Variants in C1GALT1 observed in about 807,000 individuals in gnomAD.
C1GALT1 encodes the protein core 1 synthase, glycoprotein-N-acetylgalactosamine 3-beta-galactosyltransferase 1.
Under a neutral mutation model 31.0 loss-of-function variants are expected in C1GALT1, and 11 were observed. The observed-to-expected ratio is 0.36, with a 90% CI of 0.22 to 0.59. The LOEUF is 0.59. Ranked by LOEUF, C1GALT1 falls within the 20% of genes least tolerant of loss-of-function variation. The probability of loss-of-function intolerance (pLI) is 0.79; values close to 1 mark genes in which losing one functional copy is unlikely to be tolerated. For missense variants in C1GALT1, 424 were observed against 425.2 expected, an observed-to-expected ratio of 1.00 and a Z score of 0.03; for synonymous variants, 175 against 143.6, an observed-to-expected ratio of 1.22 and a Z score of -1.56.
intron 1 of C1GALT1, among the ~76,000 whole-genome samples, chr7:7,209,059 A>G (rs1302240347): frequency 2.6e-5 from 4 of 152,208 alleles, no homozygotes; most frequent in South Asian, 2.1e-4. Flanking sequence ...AGAATCCTCT[A>G]ACTTAATCAT....
At chr7:7,242,100 G>A (rs1318889217) in intron 3 of C1GALT1, among the ~76,000 whole-genome samples, 1 of 151,656 alleles carries the variant, frequency 6.6e-6, no homozygotes, top group Non-Finnish European at 1.5e-5. Flanking sequence ...GAGATATGCT[G>A]TAAATAAAAT....
chr7:7,211,121 A>G (rs1192925038), intron 1 of C1GALT1, among the ~76,000 whole-genome samples: 3 of 152,144 alleles, frequency 2.0e-5, no homozygotes, highest in Non-Finnish European at 4.4e-5. Flanking sequence ...TGGCATGTCC[A>G]TGTGTGGATC....
chr7:7,214,314 C>T (rs1011948622), intron 1 of C1GALT1, among the ~76,000 whole-genome samples: 1 of 151,968 alleles, frequency 6.6e-6, no homozygotes, highest in African/African-American at 2.4e-5. Context: ...TTCCATGCTA[C>T]CAGAAGTTAT....
upstream of C1GALT1, among the ~76,000 whole-genome samples, chr7:7,182,054 T>A (rs1484513674): frequency 6.6e-6 from 1 of 152,218 alleles, no homozygotes. Context: ...CAGCTCTTCC[T>A]GGTTCTCACA....
chr7:7,175,682 G>C (rs1780498511), intron 2 of C1GALT1, among the ~76,000 whole-genome samples: 1 of 152,132 alleles, frequency 6.6e-6, no homozygotes, highest in Admixed American at 6.5e-5. Context: ...GTATTAGTCT[G>C]CTTGGGCTAC....
chr7:7,177,641 A>T (rs1780519146), upstream of C1GALT1, among the ~76,000 whole-genome samples: 1 of 152,158 alleles, frequency 6.6e-6, no homozygotes, highest in South Asian at 2.1e-4. Flanking sequence ...ATTCTGCCAT[A>T]CTCTTAAATC....
At chr7:7,185,205 G>T (rs1780760170) in intron 1 of C1GALT1, among the ~76,000 whole-genome samples, 1 of 152,174 alleles carries the variant, frequency 6.6e-6, no homozygotes, top group Non-Finnish European at 1.5e-5. Context: ...AGTATGTGCT[G>T]CCTTGCACAT....
chr7:7,162,306 T>C (rs1780342526), intron 2 of C1GALT1, among the ~76,000 whole-genome samples: 1 of 124,328 alleles, frequency 8.0e-6, no homozygotes, highest in Non-Finnish European at 1.6e-5. Flanking sequence ...TGATGTTCCC[T>C]TTCCTGTGTC....
intron 1 of C1GALT1, among the ~76,000 whole-genome samples, chr7:7,199,753 G>A (rs1213667388): frequency 3.3e-5 from 5 of 152,308 alleles, no homozygotes; most frequent in East Asian, 1.9e-4. Flanking sequence ...ATTTAGAATA[G>A]TTAGCTCTTT....
At chr7:7,227,508 C>T (rs375034817) in intron 1 of C1GALT1, among the ~76,000 whole-genome samples, 64 of 152,120 alleles carry the variant, frequency 4.2e-4, no homozygotes, top group African/African-American at 1.4e-3. Flanking sequence ...ATCACGAGGT[C>T]GGGAGATCGA....
At chr7:7,166,590 A>G (rs1483683935) in intron 2 of C1GALT1, among the ~76,000 whole-genome samples, 1 of 152,190 alleles carries the variant, frequency 6.6e-6, no homozygotes, top group Non-Finnish European at 1.5e-5. Flanking sequence ...GTGTATACAT[A>G]TGTCACAACA....
intron 1 of C1GALT1, among the ~76,000 whole-genome samples, chr7:7,210,725 C>T (rs115857305): frequency 0.041 from 6,204 of 152,182 alleles, 278 homozygotes; most frequent in African/African-American, 0.12. Flanking sequence ...CCATGATGTT[C>T]TACGCTCGTC....
intron 1 of C1GALT1, among the ~76,000 whole-genome samples, chr7:7,205,159 T>TC (rs921599429): frequency 1.4e-4 from 21 of 152,286 alleles, no homozygotes; most frequent in African/African-American, 4.1e-4. Flanking sequence ...TTCATTTTTT[T>TC]CACCTTTGGT....
intron 2 of C1GALT1, among the ~76,000 whole-genome samples, chr7:7,169,836 T>A (rs1389057676): frequency 6.6e-6 from 1 of 152,252 alleles, no homozygotes; most frequent in African/African-American, 2.4e-5. Flanking sequence ...TGTCTTTATC[T>A]GACTTTGGTA....
chr7:7,203,068 A>G (rs1255473270), intron 1 of C1GALT1, among the ~76,000 whole-genome samples: 1 of 148,028 alleles, frequency 6.8e-6, no homozygotes, highest in Admixed American at 6.8e-5. Context: ...CTTCTTTGCT[A>G]AATTAATTTA....
intron 1 of C1GALT1, among the ~76,000 whole-genome samples, chr7:7,199,673 C>T (rs1231225360): frequency 2.6e-5 from 4 of 152,134 alleles, no homozygotes; most frequent in Admixed American, 6.6e-5. Flanking sequence ...GTGTGGGAGT[C>T]GAAGTCTCTT....
At chr7:7,232,790 G>A (rs951467425) in intron 1 of C1GALT1, among the ~76,000 whole-genome samples, 9 of 152,018 alleles carry the variant, frequency 5.9e-5, no homozygotes, top group African/African-American at 1.9e-4. Flanking sequence ...ACGCCCAGCC[G>A]GGCATGGGCT....
chr7:7,185,275 C>T (rs1780764538), intron 1 of C1GALT1, among the ~76,000 whole-genome samples: 1 of 152,108 alleles, frequency 6.6e-6, no homozygotes, highest in African/African-American at 2.4e-5. Flanking sequence ...AATGGGAAAC[C>T]TGTATATTAA....
chr7:7,184,950 A>G (rs1780746543), intron 1 of C1GALT1, among the ~76,000 whole-genome samples: 1 of 152,258 alleles, frequency 6.6e-6, no homozygotes, highest in East Asian at 1.9e-4. Context: ...GACTTGTTCC[A>G]TAAAATGAGA....
Sources: gnomAD v4.1 joint callset for allele counts (sites outside exome capture counted in the v4.1 genomes callset) on GRCh38, gnomAD v4.1.1 for gene constraint, MANE v1.5 for transcripts, NCBI Gene and HGNC (gene_info 2026-07-23, HGNC 2026-07-21) for gene names.